PPFIA4: variants seen among roughly 807,000 people sequenced by gnomAD.
PPFIA4 encodes the protein liprin-alpha-4.
Under a neutral mutation model 145.7 loss-of-function variants are expected in PPFIA4, and 98 were observed. The ratio of observed to expected loss-of-function variants is 0.67; its 90% CI spans 0.57 to 0.80. The LOEUF (loss-of-function observed/expected upper bound fraction) is 0.80, where lower values mean the gene tolerates loss of function less well. Among genes scored for constraint, PPFIA4 ranks in the 30% least tolerant of loss-of-function variants. The pLI is 0.00. For synonymous variants in PPFIA4, 628 were observed against 649.6 expected (o/e 0.97, Z 0.51); for missense variants, 1,457 against 1,632.7 (o/e 0.89, Z 1.85).
Position 203,039,239 on chromosome 1 carries a change from C to T in PPFIA4, c.231C>T (p.Pro77=), listed in dbSNP as rs1483232896. The T allele has an allele frequency of 2.5e-6, 4 of 1,577,234 alleles. No individual in the cohort carries two copies. The highest frequency in any genetic ancestry group is 3.4e-6 in the Non-Finnish European group (4 of 1,163,208). The change falls in exon 2 of 30, where the codon CCC becomes CCT. Residue 77 remains proline (P), a synonymous_variant. Coordinates refer to ENST00000295706, the MANE Select transcript of PPFIA4 (RefSeq NM_001304331.2). ...QLQRHLNSAL[P]QEFATLTREL... ...AGCGCCACCTTAACTCCGCCCTCCC[C>T]CAGGTAAGGCCCGAAGGCCTGCGTC...
chr1:203,048,140 C>T lies in PPFIA4; in HGVS notation c.1141-87C>T, dbSNP rs1660214721. 3.8e-6 allele frequency: 5 copies of T among 1,305,200 alleles called. No individual in the cohort carries two copies. Among genetic ancestry groups the T allele is most frequent in the African/African-American group, 2.9e-5 (2 of 68,374 alleles). 80.9% of individuals were successfully genotyped at this position (1,305,200 alleles called of 1,614,324 possible). ...TACTGGGGGCCATGATCCCCAGGGCCACCCTGGCACCAGGGTGCAGGGGAT... is the reference window on the plus strand; with the variant it reads ...TACTGGGGGCCATGATCCCCAGGGCTACCCTGGCACCAGGGTGCAGGGGAT... On this transcript the variant is annotated intron_variant, in intron 9 of 29. Coordinates refer to ENST00000295706, the MANE Select transcript of PPFIA4 (RefSeq NM_001304331.2). The surrounding 1 kb of genome is among the most constrained non-coding windows in gnomAD (Gnocchi z 5.8).
rs1327492673 is a variant in PPFIA4, at chr1:203,075,921, T to C, written c.3574+164T>C. 4.2e-6 allele frequency: 3 copies of C among 711,560 alleles called. No individual in the cohort carries two copies. The African/African-American group carries it at 5.6e-5, about 13-fold the overall frequency. 44.1% of individuals were successfully genotyped at this position (711,560 alleles called of 1,614,324 possible). On this transcript the variant is annotated intron_variant, in intron 29 of 29. Coordinates refer to ENST00000295706, the MANE Select transcript of PPFIA4 (RefSeq NM_001304331.2). The surrounding 1 kb of genome is among the most constrained non-coding windows in gnomAD (Gnocchi z 4.1). ...CTCCGCGGGGAGCGTGTGTGCGCAC[T>C]AACCCGCCGCTCTGTGTGTTCTCCC... is the stretch of plus-strand genomic sequence containing the variant.
intron 23 of PPFIA4, 22 bp downstream of exon 23, chr1:203,061,054 T>C (rs1169516956): frequency 6.2e-7 from 1 of 1,611,684 alleles, no homozygotes; most frequent in Non-Finnish European, 8.5e-7. Flanking sequence ...CCTTGGCCTT[T>C]GTCCCTGGGC....
intron 25 of PPFIA4, among the ~76,000 whole-genome samples, chr1:203,065,701 C>A (rs779754276): frequency 1.3e-5 from 2 of 152,144 alleles, no homozygotes; most frequent in Non-Finnish European, 2.9e-5. Context: ...TTTAAAATTT[C>A]TTTTAAATCA....
chr1:203,054,934 G>A (rs996086466), intron 15 of PPFIA4, among the ~76,000 whole-genome samples: 2 of 152,184 alleles, frequency 1.3e-5, no homozygotes, highest in African/African-American at 4.8e-5. Context: ...GAGAGTGTGT[G>A]TGTGTGCGTG....
intron 9 of PPFIA4, chr1:203,046,620 AAGG>A: frequency 2.4e-6 from 1 of 413,974 alleles, no homozygotes. Context: ...AAAGTACTTG[AAGG>A]AGAAGAAGCT....
intron 19 of PPFIA4, among the ~76,000 whole-genome samples, chr1:203,058,566 A>G (rs1474656072): frequency 2.6e-5 from 4 of 152,166 alleles, no homozygotes; most frequent in African/African-American, 7.2e-5. Flanking sequence ...GGATTACCCA[A>G]ACTTGTTGCC....
intron 23 of PPFIA4, chr1:203,061,406 G>A: frequency 1.9e-6 from 1 of 517,848 alleles, no homozygotes; most frequent in Non-Finnish European, 3.4e-6. Flanking sequence ...TGGGCATCTT[G>A]CCTGGCTCCC....
intron 15 of PPFIA4, among the ~76,000 whole-genome samples, chr1:203,054,687 CACACACACACACACAT>C (rs1438956131): frequency 1.3e-5 from 2 of 151,804 alleles, no homozygotes; most frequent in Admixed American, 6.6e-5. Context: ...CACACACACA[CACACACACACACACAT>C]ACACACACAG....
chr1:203,060,541 A>C lies in PPFIA4; in HGVS notation c.2784+124A>C. The C allele has an allele frequency of 1.0e-6, 1 of 998,184 alleles. No homozygotes were observed. The highest frequency in any genetic ancestry group is 1.5e-6 in the Non-Finnish European group (1 of 664,212). 61.8% of individuals were successfully genotyped at this position (998,184 alleles called of 1,614,324 possible). A position where few individuals can be genotyped will look rare whatever the true frequency, so the allele number is the denominator to read the frequency against. ...CTGCCCCTTCCTTCCCATCCTCACA[A>C]AGGGCTCTCCCTGGTCTTCAGGAGG... On this transcript the variant is annotated intron_variant, in intron 22 of 29. Coordinates refer to ENST00000295706, the MANE Select transcript of PPFIA4 (RefSeq NM_001304331.2). This position sits in a 1 kb window ranked among gnomAD's most constrained non-coding sequence, Gnocchi z 4.8.
intron 1 of PPFIA4, chr1:203,035,568 A>C (rs1419407348): frequency 2.2e-6 from 1 of 455,642 alleles, no homozygotes; most frequent in African/African-American, 2.0e-5. Flanking sequence ...GCCTGCCCAC[A>C]CTCCTCCCCG....
Position 203,059,234 on chromosome 1 carries a change from G to A in PPFIA4, c.2464G>A (p.Gly822Arg). 2 of 1,557,200 alleles carry A rather than the reference G, an allele frequency of 1.3e-6. No individual in the cohort carries two copies. The highest frequency in any genetic ancestry group is 1.7e-6 in the Non-Finnish European group (2 of 1,143,416). Reference protein sequence around the residue: ...MQEPMVPAKLGTQAEKDRRLK... With the variant: ...MQEPMVPAKLRTQAEKDRRLK... ...GGAGCCTATGGTGCCTGCCAAGCTG[G>A]GGACCCAGGCAGAGAAGGACCGGCG... is the stretch of plus-strand genomic sequence containing the variant. The change falls in exon 20 of 30, where the codon GGG becomes AGG. Residue 822 changes from glycine to arginine, a missense_variant. Gly to Arg is a moderately radical substitution (Grantham distance 125, BLOSUM62 -2). Coordinates refer to ENST00000295706, the MANE Select transcript of PPFIA4 (RefSeq NM_001304331.2).
rs561537732 is a variant in PPFIA4, at chr1:203,043,965, G to A, written c.371G>A (p.Arg124His). ...LLEHLECLVS[R>H]HERSLRMTVV... Reference sequence around the variant, plus strand: ...GAACATCTGGAGTGCCTGGTGTCCCGCCATGAACGGTCACTGCGGATGACT... The same window carrying A: ...GAACATCTGGAGTGCCTGGTGTCCCACCATGAACGGTCACTGCGGATGACT... Residue 124 changes from arginine (R) to histidine (H), a missense_variant, in exon 4 of 30, where the codon CGC becomes CAC. By Grantham distance (29) the Arg-to-His change is conservative. Around this residue, in one of 3 missense-constraint regions of PPFIA4, gnomAD observed 463 missense variants for 459.8 expected, o/e 1.01. Transcript: ENST00000295706. The surrounding 1 kb of genome is among the most constrained non-coding windows in gnomAD (Gnocchi z 4.4). The A allele has an allele frequency of 8.1e-6, 13 of 1,610,738 alleles. No individual in the cohort carries two copies. The highest frequency in any genetic ancestry group is 2.7e-5 in the African/African-American group (2 of 74,784).
At position 203,044,403 on chromosome 1, in the gene PPFIA4, C is replaced by T; in HGVS notation, c.526C>T (p.Leu176=). The T allele has an allele frequency of 1.3e-6, 2 of 1,552,340 alleles. No individual in the cohort carries two copies. Among genetic ancestry groups the T allele is most frequent in the Non-Finnish European group, 1.7e-6 (2 of 1,148,024 alleles). ...GGTGCGAGAGCGGCTCCGGGCAGCG[C>T]TGGAGCGAGTCACCACCTTGGAGGA... The part of the protein sequence containing the change: ...EKVRERLRAA[L]ERVTTLEEQL... Residue 176 remains leucine (L), a synonymous_variant, in exon 5 of 30, where the codon CTG becomes TTG. Transcript: ENST00000295706.
At chr1:203,059,873 CCA>C in intron 21 of PPFIA4, 22 bp downstream of exon 21, 1 of 1,585,920 alleles carries the variant, frequency 6.3e-7, no homozygotes, top group South Asian at 1.1e-5. Flanking sequence ...CAAAGGGAGT[CCA>C]CTCAGGGGTC....
At chr1:203,037,138 C>A in intron 1 of PPFIA4, 1 of 329,214 alleles carries the variant, frequency 3.0e-6, no homozygotes, top group Non-Finnish European at 6.4e-6. Flanking sequence ...ACATTGCTCC[C>A]TAGTCTCCCT....
intron 28 of PPFIA4, 102 bp downstream of exon 28, chr1:203,071,862 A>G (rs1662194721): frequency 5.0e-6 from 5 of 1,010,070 alleles, no homozygotes; most frequent in Non-Finnish European, 6.1e-6. Flanking sequence ...TTGGAAGGCT[A>G]GTCTATGGGA....
chr1:203,059,720 G>A lies in PPFIA4; in HGVS notation c.2502-50G>A, dbSNP rs779041737. On this transcript the variant is annotated intron_variant, in intron 20 of 29. Coordinates refer to ENST00000295706, the MANE Select transcript of PPFIA4 (RefSeq NM_001304331.2). Reference sequence around the variant, plus strand: ...CCCAGTGGTCCCTGGAGCAAGAACAGTTAAGGGAGAAGGAAGAACTAGTGA... The same window carrying A: ...CCCAGTGGTCCCTGGAGCAAGAACAATTAAGGGAGAAGGAAGAACTAGTGA... 41 of 1,521,426 alleles carry A rather than the reference G, an allele frequency of 2.7e-5. No homozygotes were observed. In the South Asian group the frequency reaches 4.8e-4, roughly 18 times the overall value. 94.2% of individuals were successfully genotyped at this position (1,521,426 alleles called of 1,614,324 possible). A position where few individuals can be genotyped will look rare whatever the true frequency, so the allele number is the denominator to read the frequency against.
intron 1 of PPFIA4, among the ~76,000 whole-genome samples, chr1:203,033,436 T>G (rs1658990348): frequency 6.6e-6 from 1 of 152,166 alleles, no homozygotes. Flanking sequence ...TTTGGGAGCC[T>G]AGGGTGCTGA....
Sources: allele counts gnomAD v4.1 joint callset (sites outside exome capture counted in the v4.1 genomes callset), GRCh38; gene constraint gnomAD v4.1.1; regional missense constraint gnomAD v4.1.1; non-coding constraint Gnocchi (gnomAD v3.1); transcripts MANE v1.5; gene names NCBI Gene and HGNC (gene_info 2026-07-23, HGNC 2026-07-21).